KCNH1: variants seen among roughly 807,000 people sequenced by gnomAD.
KCNH1 encodes voltage-gated delayed rectifier potassium channel KCNH1.
KCNH1 carries 27 observed loss-of-function variants against 69.2 expected under a neutral mutation model. The observed-to-expected ratio is 0.39, with a 90% CI of 0.29 to 0.54. KCNH1 has a LOEUF of 0.54. Ranked by LOEUF, KCNH1 falls within the 20% of genes least tolerant of loss-of-function variation. The pLI is 0.68. For missense variants in KCNH1, 798 were observed against 1,261.6 expected (o/e 0.63, Z 5.57); for synonymous variants, 456 against 487.7 (o/e 0.93, Z 0.86).
At chr1:210,855,485 A>G (rs1266920406) in intron 7 of KCNH1, among the ~76,000 whole-genome samples, 3 of 152,242 alleles carry the variant, frequency 2.0e-5, no homozygotes, top group Non-Finnish European at 2.9e-5. Flanking sequence ...AGAGAAGTCC[A>G]GGCTGCAGAT....
chr1:210,867,524 T>A (rs577737481), intron 7 of KCNH1, among the ~76,000 whole-genome samples: 80 of 151,972 alleles, frequency 5.3e-4, no homozygotes, highest in South Asian at 3.7e-3. Flanking sequence ...TGAAAAAAAA[T>A]TTTATTGAGG....
At chr1:211,027,641 T>G (rs564731407) in intron 5 of KCNH1, among the ~76,000 whole-genome samples, 17 of 149,502 alleles carry the variant, frequency 1.1e-4, no homozygotes, top group Admixed American at 4.7e-4. Context: ...AAGAAAAAAA[T>G]TAGTGAACTT....
rs373693725 is a variant in KCNH1 at position 210,810,293 on chromosome 1, A to G, written c.1463-6127T>C. On this transcript the variant is annotated intron_variant, in intron 7 of 10. Transcript: ENST00000271751. ...GAACCAGTAGGATCCCTTGTCCTGCATATTATAACCTGTATTTTTTCTCTC... is the reference window on the plus strand; with the variant it reads ...GAACCAGTAGGATCCCTTGTCCTGCGTATTATAACCTGTATTTTTTCTCTC... Among the ~76,000 whole-genome samples, 4 of 152,290 alleles carry G rather than the reference A, an allele frequency of 2.6e-5. No individual in the cohort carries two copies. In the East Asian group the frequency reaches 5.8e-4, roughly 22 times the overall value.
chr1:210,855,654 A>G (rs370968109), intron 7 of KCNH1, among the ~76,000 whole-genome samples: 197 of 152,346 alleles, frequency 1.3e-3, no homozygotes, highest in Middle Eastern at 0.01. Context: ...GCCCAGTCTC[A>G]GTAGGCTCAT....
chr1:210,824,801 AT>A (rs1191636786), intron 7 of KCNH1, among the ~76,000 whole-genome samples: 2 of 152,114 alleles, frequency 1.3e-5, no homozygotes, highest in Non-Finnish European at 2.9e-5. Flanking sequence ...TCATACTCTT[AT>A]TTCATGCTCA....
intron 7 of KCNH1, among the ~76,000 whole-genome samples, chr1:210,804,902 G>A (rs1052205150): frequency 6.6e-6 from 1 of 152,144 alleles, no homozygotes; most frequent in Non-Finnish European, 1.5e-5. Flanking sequence ...TTGAGACATA[G>A]CAAGTGTGTA....
At chr1:211,126,576 G>A (rs1021636594) in intron 1 of KCNH1, among the ~76,000 whole-genome samples, 1 of 151,672 alleles carries the variant, frequency 6.6e-6, no homozygotes, top group African/African-American at 2.4e-5. Context: ...TCGGGAGGCT[G>A]AGGTGGGAGG....
At chr1:211,000,352 A>T (rs1464306885) in intron 6 of KCNH1, among the ~76,000 whole-genome samples, 2 of 152,216 alleles carry the variant, frequency 1.3e-5, no homozygotes, top group African/African-American at 2.4e-5. Flanking sequence ...AATCACAAGC[A>T]TTCTTATACA....
chr1:210,741,147 T>C (rs1332107929), intron 10 of KCNH1, among the ~76,000 whole-genome samples: 1 of 152,174 alleles, frequency 6.6e-6, no homozygotes, highest in Non-Finnish European at 1.5e-5. Flanking sequence ...GGAGTACGTA[T>C]CATCGAGTAT....
intron 9 of KCNH1, among the ~76,000 whole-genome samples, chr1:210,780,713 G>A (rs1177109390): frequency 2.0e-5 from 3 of 152,208 alleles, no homozygotes; most frequent in Non-Finnish European, 4.4e-5. Flanking sequence ...ATCAGCATGA[G>A]CAAAGGCCTT....
intron 7 of KCNH1, among the ~76,000 whole-genome samples, chr1:210,843,140 C>T (rs2102455609): frequency 1.3e-5 from 2 of 152,322 alleles, no homozygotes; most frequent in South Asian, 4.1e-4. Context: ...AGAGAAAGCT[C>T]TCTTAGCGGA....
intron 5 of KCNH1, among the ~76,000 whole-genome samples, chr1:211,078,512 A>G (rs529776356): frequency 3.0e-4 from 45 of 152,340 alleles, no homozygotes; most frequent in Non-Finnish European, 4.3e-4. Context: ...CTGCTCCTGA[A>G]TGACTACTGG....
At chr1:210,715,502 A>G (rs1574203114) in intron 10 of KCNH1, among the ~76,000 whole-genome samples, 1 of 141,888 alleles carries the variant, frequency 7.0e-6, no homozygotes, top group Admixed American at 7.2e-5. Flanking sequence ...CCCTGTTTCT[A>G]TTTTAAAAAT....
At chr1:210,991,239 A>C (rs556398665) in intron 6 of KCNH1, among the ~76,000 whole-genome samples, 1 of 152,212 alleles carries the variant, frequency 6.6e-6, no homozygotes, top group Non-Finnish European at 1.5e-5. Flanking sequence ...GACAAAGAAA[A>C]CGTAGTATAT....
chr1:211,087,547 T>C (rs1216730785), intron 4 of KCNH1, among the ~76,000 whole-genome samples: 1 of 151,208 alleles, frequency 6.6e-6, no homozygotes, highest in Non-Finnish European at 1.5e-5. Flanking sequence ...CACTGGAGCA[T>C]CACAGATTCT....
At chr1:210,843,431 T>C (rs1369690009) in intron 7 of KCNH1, among the ~76,000 whole-genome samples, 1 of 152,178 alleles carries the variant, frequency 6.6e-6, no homozygotes, top group Non-Finnish European at 1.5e-5. Flanking sequence ...ATTTGACAAA[T>C]GTTTGCACTC....
chr1:211,133,750 G>C lies in KCNH1; in HGVS notation c.79+117C>G. 1 of 943,462 alleles carries C rather than the reference G, an allele frequency of 1.1e-6. No homozygotes were observed. The highest frequency in any genetic ancestry group is 1.6e-6 in the Non-Finnish European group (1 of 612,956). The allele number at this position is 943,462 out of a possible 1,614,324, so 58.4% of individuals were successfully genotyped here. ...GGCTGCCCTGGGTGCCCGCGCCGCG[G>C]CTCCTTAGCAGAGCTCGCGGGTTCT... On this transcript the variant is annotated intron_variant, in intron 1 of 10. Transcript: ENST00000271751. This position sits in a 1 kb window ranked among gnomAD's most constrained non-coding sequence, Gnocchi z 5.4.
intron 6 of KCNH1, among the ~76,000 whole-genome samples, chr1:211,005,763 TG>T (rs1204837401): frequency 6.6e-6 from 1 of 152,166 alleles, no homozygotes; most frequent in Admixed American, 6.5e-5. Flanking sequence ...TAAGAACTTT[TG>T]CTCATCAAAA....
At chr1:211,013,615 C>T (rs1194637524) in intron 6 of KCNH1, among the ~76,000 whole-genome samples, 1 of 152,278 alleles carries the variant, frequency 6.6e-6, no homozygotes, top group Admixed American at 6.5e-5. Flanking sequence ...GACTAGAGTC[C>T]GGTTTCACTA....
Sources: gnomAD v4.1 joint callset for allele counts (sites outside exome capture counted in the v4.1 genomes callset) on GRCh38, gnomAD v4.1.1 for gene constraint, Gnocchi (gnomAD v3.1) non-coding constraint, MANE v1.5 for transcripts, NCBI Gene and HGNC (gene_info 2026-07-23, HGNC 2026-07-21) for gene names.